TOPBP1: variants seen among roughly 807,000 people sequenced by gnomAD.
TOPBP1 encodes the protein DNA topoisomerase 2-binding protein 1.
A neutral mutation model predicts 167.7 loss-of-function variants in TOPBP1; 28 were observed. The observed-to-expected ratio is 0.17, with a 90% CI of 0.12 to 0.23. The LOEUF (loss-of-function observed/expected upper bound fraction) is 0.23, where lower values mean the gene tolerates loss of function less well. Ranked by LOEUF, TOPBP1 falls within the 10% of genes least tolerant of loss-of-function variation. TOPBP1 has a pLI of 1.00. For synonymous variants in TOPBP1, 598 were observed against 611.4 expected (o/e 0.98, Z 0.32); for missense variants, 1,554 against 1,809.6 (o/e 0.86, Z 2.56).
chr3:133,617,241 G>C lies in TOPBP1; in HGVS notation c.3678C>G (p.Ser1226Arg). Residue 1226 changes from serine (S) to arginine (R), a missense_variant, in exon 22 of 28, where the codon AGC (serine) becomes AGG (arginine). This residue lies in a region of TOPBP1 where 351 missense variants were observed against 432.9 expected (regional missense o/e 0.81). Transcript: ENST00000260810. ...SEELETPIKD[S>R]HLIPTPQAPS... Reference sequence around the variant, plus strand: ...GGGCTTGAGGCGTAGGGATCAGGTGGCTGTCTTTTATGGGAGTTTCCAGTT... The same window carrying C: ...GGGCTTGAGGCGTAGGGATCAGGTGCCTGTCTTTTATGGGAGTTTCCAGTT... 1 of 1,613,862 alleles carries C rather than the reference G, an allele frequency of 6.2e-7. No individual in the cohort carries two copies. The highest frequency in any genetic ancestry group is 8.5e-7 in the Non-Finnish European group (1 of 1,179,834).
chr3:133,613,387 A>G (rs1394166750), intron 23 of TOPBP1, among the ~76,000 whole-genome samples: 1 of 152,234 alleles, frequency 6.6e-6, no homozygotes, highest in East Asian at 1.9e-4. Context: ...AAAGAAATAG[A>G]ACATAAACAT....
At chr3:133,616,251 C>G (rs937949943) in intron 23 of TOPBP1, among the ~76,000 whole-genome samples, 1 of 151,938 alleles carries the variant, frequency 6.6e-6, no homozygotes, top group Non-Finnish European at 1.5e-5. Context: ...TCCTGAGTAA[C>G]TAGGATCACA....
chr3:133,613,556 G>A (rs1198451897), intron 23 of TOPBP1, among the ~76,000 whole-genome samples: 1 of 152,176 alleles, frequency 6.6e-6, no homozygotes, highest in Non-Finnish European at 1.5e-5. Flanking sequence ...AATGTCGGCA[G>A]ACCAACAGAG....
chr3:133,605,328 CA>C (rs1274766654), intron 27 of TOPBP1, among the ~76,000 whole-genome samples: 3 of 148,848 alleles, frequency 2.0e-5, no homozygotes, highest in Non-Finnish European at 4.5e-5. Flanking sequence ...ACGCTAATAC[CA>C]AAAGATGACA....
At chr3:133,657,724 C>A in intron 4 of TOPBP1, 74 bp downstream of exon 4, 2 of 1,268,798 alleles carry the variant, frequency 1.6e-6, no homozygotes. Context: ...TTTAAGCTAT[C>A]TTCTATGCAG....
intron 11 of TOPBP1, among the ~76,000 whole-genome samples, chr3:133,643,744 G>A (rs967067225): frequency 6.6e-6 from 1 of 151,858 alleles, no homozygotes; most frequent in African/African-American, 2.4e-5. Flanking sequence ...TTGGTTATGA[G>A]AAAACAAGAC....
intron 16 of TOPBP1, among the ~76,000 whole-genome samples, chr3:133,625,608 G>A (rs529434798): frequency 1.3e-5 from 2 of 152,096 alleles, no homozygotes; most frequent in East Asian, 3.9e-4. Context: ...GCGCATGCCT[G>A]TAATACCAGC....
At chr3:133,605,750 T>C (rs1156509470) in intron 27 of TOPBP1, among the ~76,000 whole-genome samples, 1 of 152,180 alleles carries the variant, frequency 6.6e-6, no homozygotes, top group Non-Finnish European at 1.5e-5. Context: ...TTCAGCAGCA[T>C]ACTTGAGGTC....
intron 14 of TOPBP1, among the ~76,000 whole-genome samples, chr3:133,629,975 A>G (rs1935412468): frequency 6.6e-6 from 1 of 151,962 alleles, no homozygotes; most frequent in South Asian, 2.1e-4. Flanking sequence ...TTTAGTAGAG[A>G]CAGGGTTTCA....
intron 25 of TOPBP1, among the ~76,000 whole-genome samples, chr3:133,610,637 A>T (rs780449025): frequency 2.9e-3 from 204 of 71,460 alleles, no homozygotes; most frequent in Middle Eastern, 8.5e-3. Context: ...ATTAAAATTT[A>T]AAAAAAAAAA....
intron 13 of TOPBP1, 66 bp downstream of exon 13, chr3:133,639,893 C>T: frequency 6.7e-7 from 1 of 1,493,486 alleles, no homozygotes; most frequent in South Asian, 1.2e-5. Context: ...CAAGCATTGG[C>T]ACATTTATAT....
chr3:133,612,193 C>T (rs532888788), intron 24 of TOPBP1, among the ~76,000 whole-genome samples, 196 bp downstream of exon 24: 2 of 152,150 alleles, frequency 1.3e-5, no homozygotes, highest in South Asian at 4.2e-4. Flanking sequence ...AGGCACTCAC[C>T]ACCATGCCTG....
intron 27 of TOPBP1, 73 bp downstream of exon 27, chr3:133,608,461 GT>G (rs755340892): frequency 2.1e-4 from 314 of 1,506,748 alleles, no homozygotes; most frequent in Admixed American, 7.7e-4. Context: ...TGAAGGTTTT[GT>G]TGTGCAGTTA....
intron 16 of TOPBP1, 85 bp from the exon 17 acceptor site, chr3:133,624,260 T>C: frequency 6.8e-7 from 1 of 1,477,808 alleles, no homozygotes; most frequent in South Asian, 1.2e-5. Context: ...GTGAACAGAA[T>C]ATTCTGACCT....
chr3:133,655,594 C>CT (rs1246840661), intron 5 of TOPBP1, 108 bp from the exon 6 acceptor site: 52 of 603,714 alleles, frequency 8.6e-5, no homozygotes, highest in Middle Eastern at 4.8e-4. Flanking sequence ...GATTTATAAT[C>CT]TTTTTTTTAC....
chr3:133,623,318 T>C lies in TOPBP1; in HGVS notation c.3068A>G (p.Asp1023Gly). Residue 1023 changes from aspartate (D) to glycine (G), a missense_variant, in exon 18 of 28, where the codon GAT (aspartate) becomes GGT (glycine). Physicochemically the swap from Asp to Gly is moderately conservative, Grantham distance 94. This residue lies in a region of TOPBP1 where 1,197 missense variants were observed against 1,351.5 expected (regional missense o/e 0.89). Coordinates refer to ENST00000260810, the MANE Select transcript of TOPBP1 (RefSeq NM_007027.4). ...RLLSAVSSTK[D>G]DEPDPLILEE... Reference sequence around the variant, plus strand: ...ATCATCCATATCTCCTACCTCATCATCCTTTGTTGAAGACACAGCTGAGAG... The same window carrying C: ...ATCATCCATATCTCCTACCTCATCACCCTTTGTTGAAGACACAGCTGAGAG... 6.2e-7 allele frequency: 1 copy of C among 1,613,692 alleles called. No individual in the cohort carries two copies. The highest frequency in any genetic ancestry group is 8.5e-7 in the Non-Finnish European group (1 of 1,179,768).
intron 6 of TOPBP1, 104 bp from the exon 7 acceptor site, chr3:133,653,628 TA>T (rs1029191311): frequency 2.2e-4 from 223 of 1,027,140 alleles, no homozygotes; most frequent in African/African-American, 1.8e-3. Flanking sequence ...AACAGGTTAA[TA>T]TTTTTTTTTT....
At chr3:133,650,625 T>G (rs958415679) in intron 8 of TOPBP1, among the ~76,000 whole-genome samples, 4 of 152,148 alleles carry the variant, frequency 2.6e-5, no homozygotes, top group Admixed American at 2.6e-4. Flanking sequence ...TTTACCTCTA[T>G]TTTACATAAG....
At chr3:133,601,938 A>C (rs1934316249) in intron 27 of TOPBP1, among the ~76,000 whole-genome samples, 1 of 152,230 alleles carries the variant, frequency 6.6e-6, no homozygotes, top group African/African-American at 2.4e-5. Context: ...CATGGATAAC[A>C]GCTACAAATT....
Sources: gnomAD v4.1 joint callset for allele counts (sites outside exome capture counted in the v4.1 genomes callset) on GRCh38, gnomAD v4.1.1 for gene constraint, gnomAD v4.1.1 regional missense constraint, MANE v1.5 for transcripts, NCBI Gene and HGNC (gene_info 2026-07-23, HGNC 2026-07-21) for gene names.